NOL10: variants seen among roughly 807,000 people sequenced by gnomAD.
The protein encoded by NOL10 is nucleolar protein 10, also known as H_NH0074G24.1.
In NOL10, 58 loss-of-function variants were observed where a neutral mutation model predicts 103.5. That is an observed-to-expected ratio of 0.56 (90% CI 0.45 to 0.70). The LOEUF (loss-of-function observed/expected upper bound fraction) is 0.70. Among genes scored for constraint, NOL10 ranks in the 30% least tolerant of loss-of-function variants. The probability of loss-of-function intolerance (pLI) is 0.00; values close to 1 mark genes in which losing one functional copy is unlikely to be tolerated. For synonymous variants in NOL10, 287 were observed against 282.5 expected, an observed-to-expected ratio of 1.02 and a Z score of -0.16; for missense variants, 763 against 807.3, an observed-to-expected ratio of 0.95 and a Z score of 0.67.
At chr2:10,615,514 C>T (rs1676785639) in intron 13 of NOL10, among the ~76,000 whole-genome samples, 1 of 152,192 alleles carries the variant, frequency 6.6e-6, no homozygotes, top group Non-Finnish European at 1.5e-5. Flanking sequence ...CAAATTAAAA[C>T]TGATGTTAAG....
intron 8 of NOL10, among the ~76,000 whole-genome samples, chr2:10,663,614 A>G (rs1221448068): frequency 6.6e-6 from 1 of 152,086 alleles, no homozygotes; most frequent in Non-Finnish European, 1.5e-5. Flanking sequence ...AAAGATGTGA[A>G]CTTTTTAAAA....
At chr2:10,603,322 C>G (rs1676085113) in intron 14 of NOL10, among the ~76,000 whole-genome samples, 165 bp from the exon 15 acceptor site, 1 of 152,174 alleles carries the variant, frequency 6.6e-6, no homozygotes, top group Admixed American at 6.5e-5. Context: ...AACATTTAAT[C>G]TACTTCAGCA....
chr2:10,660,936 A>AT (rs1205087612), intron 9 of NOL10, among the ~76,000 whole-genome samples: 1 of 151,426 alleles, frequency 6.6e-6, no homozygotes, highest in Non-Finnish European at 1.5e-5. Flanking sequence ...AAAGCAAAGC[A>AT]TTAAAAAAAA....
chr2:10,657,640 T>C, intron 11 of NOL10, 102 bp downstream of exon 11: 1 of 987,616 alleles, frequency 1.0e-6, no homozygotes, highest in South Asian at 2.0e-5. Flanking sequence ...ATATTCAGTA[T>C]CTCTTTCCCA....
Position 10,683,385 on chromosome 2 carries a change from C to A in NOL10, c.112+1182G>T, listed in dbSNP as rs374340803. On this transcript the variant is annotated intron_variant, in intron 2 of 20. Coordinates refer to ENST00000381685, the MANE Select transcript of NOL10 (RefSeq NM_024894.4). ...CCTTTAACTGTTCAGATTCATAAAC[C>A]CTACATGTAAAATTCCTTTCTTCAA... is the stretch of plus-strand genomic sequence containing the variant. 5.3e-5 allele frequency among the ~76,000 whole-genome samples: 8 copies of A among 152,048 alleles called. No individual in the cohort carries two copies. The South Asian group carries it at 1.7e-3, about 32-fold the overall frequency.
At chr2:10,630,738 C>A (rs1299771176) in intron 13 of NOL10, among the ~76,000 whole-genome samples, 4 of 151,922 alleles carry the variant, frequency 2.6e-5, no homozygotes, top group African/African-American at 7.3e-5. Context: ...CAAAAAAAAA[C>A]CCAAAAACTT....
intron 20 of NOL10, among the ~76,000 whole-genome samples, chr2:10,576,292 C>T (rs1372979271): frequency 6.6e-6 from 1 of 152,164 alleles, no homozygotes; most frequent in Non-Finnish European, 1.5e-5. Flanking sequence ...GGTGCAGCCA[C>T]TGTCAGAAAA....
intron 14 of NOL10, among the ~76,000 whole-genome samples, chr2:10,604,249 G>T (rs967269769): frequency 3.3e-5 from 5 of 152,142 alleles, no homozygotes; most frequent in Non-Finnish European, 7.3e-5. Context: ...ATGGCCCAGG[G>T]GTTGGGGACC....
chr2:10,615,480 C>T (rs1169053660), intron 13 of NOL10, among the ~76,000 whole-genome samples: 2 of 152,118 alleles, frequency 1.3e-5, no homozygotes, highest in Admixed American at 6.6e-5. Flanking sequence ...AGAGACAGGA[C>T]GCCCCAAGCA....
At chr2:10,682,625 T>C (rs1317723210) in intron 2 of NOL10, among the ~76,000 whole-genome samples, 2 of 151,274 alleles carry the variant, frequency 1.3e-5, no homozygotes, top group African/African-American at 4.9e-5. Context: ...GTCTCAAACT[T>C]CTAGGGCCAA....
intron 9 of NOL10, among the ~76,000 whole-genome samples, chr2:10,661,997 C>T (rs1223574074): frequency 6.6e-6 from 1 of 152,006 alleles, no homozygotes; most frequent in Non-Finnish European, 1.5e-5. Context: ...TTTCTGATAA[C>T]AATGTGGTAA....
At chr2:10,591,148 T>C (rs576850058) in intron 17 of NOL10, 1 of 152,298 alleles carries the variant, frequency 6.6e-6, no homozygotes, top group South Asian at 2.1e-4. Context: ...AATTCTAAGA[T>C]ATTAAATGCA....
intron 8 of NOL10, among the ~76,000 whole-genome samples, chr2:10,663,865 G>A (rs529828496): frequency 2.8e-4 from 42 of 151,450 alleles, no homozygotes; most frequent in Non-Finnish European, 5.3e-4. Context: ...CAGGAGAATG[G>A]CATGAACCCG....
intron 13 of NOL10, chr2:10,621,952 G>A: frequency 2.4e-6 from 1 of 415,268 alleles, no homozygotes; most frequent in Admixed American, 2.8e-5. Context: ...AGCCACCTGT[G>A]GCGATTTAAG....
intron 19 of NOL10, 134 bp downstream of exon 19, chr2:10,588,909 G>A: frequency 1.5e-6 from 2 of 1,349,970 alleles, no homozygotes; most frequent in Non-Finnish European, 2.0e-6. Flanking sequence ...TACCTCCCCT[G>A]CTTCCCTCGT....
At chr2:10,683,125 T>C (rs1294701864) in intron 2 of NOL10, among the ~76,000 whole-genome samples, 1 of 152,172 alleles carries the variant, frequency 6.6e-6, no homozygotes, top group Non-Finnish European at 1.5e-5. Flanking sequence ...GAAGCTGACT[T>C]ATACCTCTTT....
chr2:10,659,477 G>C (rs902201837), intron 9 of NOL10, among the ~76,000 whole-genome samples: 15 of 150,648 alleles, frequency 1.0e-4, no homozygotes, highest in Admixed American at 8.0e-4. Flanking sequence ...AAGAATTCAA[G>C]ACCAGCTTGG....
intron 17 of NOL10, chr2:10,591,082 G>T (rs1228909568): frequency 6.6e-6 from 1 of 152,162 alleles, no homozygotes; most frequent in Non-Finnish European, 1.5e-5. Flanking sequence ...AGATATTAAG[G>T]AACTTGGCCT....
In NOL10 at chr2:10,689,939, G is replaced by T; in HGVS notation, c.-78C>A. On this transcript the variant is annotated 5_prime_UTR_variant, in exon 1 of 21. Coordinates refer to ENST00000381685, the MANE Select transcript of NOL10 (RefSeq NM_024894.4). Reference sequence around the variant, plus strand: ...AGCACCGTAATCCCGGGACCTCCGAGCCCCTGCTCCGCGGCGTGCGGCCGC... The same window carrying T: ...AGCACCGTAATCCCGGGACCTCCGATCCCCTGCTCCGCGGCGTGCGGCCGC... The T allele has an allele frequency of 3.6e-6, 5 of 1,385,878 alleles. No homozygotes were observed. Among genetic ancestry groups the T allele is most frequent in the African/African-American group, 2.9e-5 (2 of 69,770 alleles). 85.8% of individuals were successfully genotyped at this position (1,385,878 alleles called of 1,614,324 possible). A position where few individuals can be genotyped will look rare whatever the true frequency, so the allele number is the denominator to read the frequency against.
Sources: gnomAD v4.1 joint callset for allele counts (sites outside exome capture counted in the v4.1 genomes callset) on GRCh38, gnomAD v4.1.1 for gene constraint, MANE v1.5 for transcripts, NCBI Gene and HGNC (gene_info 2026-07-23, HGNC 2026-07-21) for gene names.